CCAR2: variants seen among roughly 807,000 people sequenced by gnomAD.
CCAR2 encodes cell cycle and apoptosis regulator protein 2.
CCAR2 carries 21 observed loss-of-function variants against 108.1 expected under a neutral mutation model. The observed-to-expected ratio is 0.19, with a 90% confidence interval of 0.14 to 0.28. The LOEUF is 0.28. CCAR2 is among the 10% of genes least tolerant of loss of function. CCAR2 has a pLI of 1.00. For missense variants in CCAR2, 1,126 were observed against 1,177.0 expected, an observed-to-expected ratio of 0.96 and a Z score of 0.63; for synonymous variants, 577 against 472.8, an observed-to-expected ratio of 1.22 and a Z score of -2.86.
rs779988091 is a variant in CCAR2, at chr8:22,607,333, C to T, written c.487+8C>T. 5.6e-6 allele frequency: 9 copies of T among 1,609,444 alleles called. No homozygotes were observed. The highest frequency in any genetic ancestry group is 2.7e-5 in the African/African-American group (2 of 75,004). ...CACTCTTTCCTCAGAAGCGTGAGTA[C>T]GAGTGGCACTGTTGTTGGGTGTGGC... is the stretch of plus-strand genomic sequence containing the variant. On this transcript the variant is annotated splice_region_variant and intron_variant, in intron 6 of 20. Transcript: ENST00000308511.
Position 22,605,806 on chromosome 8 carries a change from G to T in CCAR2, c.33G>T (p.Pro11=). 6.2e-7 allele frequency: 1 copy of T among 1,613,988 alleles called. No homozygotes were observed. The highest frequency in any genetic ancestry group is 8.5e-7 in the Non-Finnish European group (1 of 1,179,940). Residue 11 remains proline (P), a synonymous_variant, in exon 2 of 21, where the codon CCG becomes CCT. Coordinates refer to ENST00000308511, the MANE Select transcript of CCAR2 (RefSeq NM_001393997.1). The stretch of plus-strand genomic sequence containing the variant: ...AGTTTAAGCGCCAGCGGATCAACCC[G>T]CTTCCAGGGGGACGCAACTTCTCAG... MSQFKRQRIN[P]LPGGRNFSGT...
At position 22,618,606 on chromosome 8, in the gene CCAR2, G is replaced by C; in HGVS notation, c.2221-11G>C. On this transcript the variant is annotated splice_polypyrimidine_tract_variant and intron_variant, in intron 17 of 20. Transcript: ENST00000308511. ...ACGGGGCCTTCTGATCAGCAGATGT[G>C]TTTTCTGCAGGCCAAGCAGCTGGTC... 1 of 1,614,086 alleles carries C rather than the reference G, an allele frequency of 6.2e-7. No individual in the cohort carries two copies. The highest frequency in any genetic ancestry group is 1.1e-5 in the South Asian group (1 of 91,086).
Position 22,617,510 on chromosome 8 carries a change from A to G in CCAR2, c.1936A>G (p.Met646Val), listed in dbSNP as rs202018056. ...RGEASEDLCE[M>V]ALDPELLLLR... ...CGAGGCTTCTGAGGACCTGTGTGAG[A>G]TGGCCCTGGACCCAGAACTGTTGCT... Residue 646 changes from methionine to valine, a missense_variant, in exon 15 of 21, where the codon ATG (methionine) becomes GTG (valine). Met to Val is a conservative substitution (Grantham distance 21). This residue lies in a region of CCAR2 where 1,013 missense variants were observed against 993.9 expected (regional missense o/e 1.02). Coordinates refer to ENST00000308511, the MANE Select transcript of CCAR2 (RefSeq NM_001393997.1). 2 of 1,607,354 alleles carry G rather than the reference A, an allele frequency of 1.2e-6. No homozygotes were observed. The highest frequency in any genetic ancestry group is 2.2e-5 in the East Asian group (1 of 44,770).
chr8:22,621,378 T>C (rs1476701888), downstream of CCAR2: 5 of 1,586,854 alleles, frequency 3.2e-6, no homozygotes, highest in African/African-American at 4.0e-5. Flanking sequence ...CAAGGATGAA[T>C]GAGGCTGACC....
Position 22,618,460 on chromosome 8 carries a change from C to A in CCAR2, c.2185C>A (p.Leu729Ile). The A allele has an allele frequency of 1.9e-6, 3 of 1,614,198 alleles. No homozygotes were observed. Among genetic ancestry groups the A allele is most frequent in the Middle Eastern group, 3.3e-4 (2 of 6,062 alleles). ...YLHRRDLERI[L>I]LTLGIRLSAE... is the part of the protein sequence containing the mutation. ...GCACCGGCGAGACTTAGAGAGGATC[C>A]TCCTTACCCTTGGGATCCGGCTCAG... Residue 729 changes from leucine (L) to isoleucine (I), a missense_variant, in exon 17 of 21, where the codon CTC becomes ATC. Coordinates refer to ENST00000308511, the MANE Select transcript of CCAR2 (RefSeq NM_001393997.1).
In CCAR2 at chr8:22,616,075, A is replaced by G; in HGVS notation, c.1672A>G (p.Lys558Glu). Residue 558 changes from lysine to glutamate, a missense_variant, in exon 14 of 21, where the codon AAG (lysine) becomes GAG (glutamate). Around this residue, in one of 4 missense-constraint regions of CCAR2, gnomAD observed 1,013 missense variants for 993.9 expected, o/e 1.02. Transcript: ENST00000308511. ...LQRDFGYRVY[K>E]MLLSLPEKVV... ...GAGGGATTTTGGCTATAGAGTTTAT[A>G]AGATGCTACTGAGCCTTCCTGAAAA... 3 of 1,614,036 alleles carry G rather than the reference A, an allele frequency of 1.9e-6. No individual in the cohort carries two copies. Among genetic ancestry groups the G allele is most frequent in the Non-Finnish European group, 2.5e-6 (3 of 1,180,026 alleles).
chr8:22,615,282 A>G, intron 11 of CCAR2, 143 bp from the exon 12 acceptor site: 1 of 1,088,414 alleles, frequency 9.2e-7, no homozygotes. Context: ...CTTGGTCTGT[A>G]GCTTTCCTGT....
At chr8:22,606,546 C>A in intron 3 of CCAR2, 61 bp from the exon 4 acceptor site, 2 of 1,344,678 alleles carry the variant, frequency 1.5e-6, no homozygotes, top group Non-Finnish European at 1.1e-6. Context: ...ACCTTCATGG[C>A]AGAGTGTGAT....
rs1396651322 is a variant in CCAR2, at chr8:22,605,046, C to T, written c.-39+204C>T. The T allele has an allele frequency of 4.1e-5, 12 of 290,938 alleles. 1 individual carries two copies. Among genetic ancestry groups the T allele is most frequent in the Non-Finnish European group, 2.0e-5 (3 of 148,326 alleles). The allele number at this position is 290,938 out of a possible 1,614,324, so 18.0% of individuals were successfully genotyped here. A position where few individuals can be genotyped will look rare whatever the true frequency, so the allele number is the denominator to read the frequency against. On this transcript the variant is annotated intron_variant, in intron 1 of 20. Coordinates refer to ENST00000308511, the MANE Select transcript of CCAR2 (RefSeq NM_001393997.1). Reference sequence around the variant, plus strand: ...GGAGGAGAAACCGCGCGCCTCAGTCCTCCCTTGGTGGCCTCGCCGCGGCTC... The same window carrying T: ...GGAGGAGAAACCGCGCGCCTCAGTCTTCCCTTGGTGGCCTCGCCGCGGCTC...
chr8:22,613,662 A>G (rs773122714), intron 8 of CCAR2, among the ~76,000 whole-genome samples: 1 of 152,072 alleles, frequency 6.6e-6, no homozygotes, highest in African/African-American at 2.4e-5. Flanking sequence ...CGACTTTTTC[A>G]TCTTTGTCTG....
At chr8:22,608,924 T>C (rs74844486) in intron 7 of CCAR2, among the ~76,000 whole-genome samples, 1 of 152,222 alleles carries the variant, frequency 6.6e-6, no homozygotes, top group Non-Finnish European at 1.5e-5. Flanking sequence ...CCTCCATCTA[T>C]TCACTGCTCC....
At chr8:22,611,607 T>TA (rs1801286421) in intron 7 of CCAR2, among the ~76,000 whole-genome samples, 2 of 152,174 alleles carry the variant, frequency 1.3e-5, no homozygotes, top group Non-Finnish European at 2.9e-5. Context: ...TTCTAGTTTT[T>TA]ATCTATACAT....
intron 14 of CCAR2, chr8:22,616,566 C>G (rs989978834): frequency 5.2e-5 from 19 of 366,382 alleles, no homozygotes; most frequent in African/African-American, 2.0e-4. Flanking sequence ...CCCTGTAATC[C>G]CAGCACTTTG....
At chr8:22,612,757 AGTT>A (rs1239698218) in intron 7 of CCAR2, 1 of 292,934 alleles carries the variant, frequency 3.4e-6, no homozygotes, top group Non-Finnish European at 6.2e-6. Flanking sequence ...AGTCTTCTAA[AGTT>A]GTTTTTGCAG....
intron 7 of CCAR2, among the ~76,000 whole-genome samples, chr8:22,609,661 CAG>C (rs1801205879): frequency 6.6e-6 from 1 of 152,222 alleles, no homozygotes. Context: ...CTCCCTTTCA[CAG>C]TGTGTGAGTT....
At chr8:22,606,508 G>A (rs894346193) in intron 3 of CCAR2, 99 bp from the exon 4 acceptor site, 21 of 909,780 alleles carry the variant, frequency 2.3e-5, no homozygotes, top group African/African-American at 1.1e-4. Context: ...GATGCAGTAC[G>A]CTGAGCTGGG....
chr8:22,621,338 T>G, downstream of CCAR2: 14 of 1,499,620 alleles, frequency 9.3e-6, no homozygotes, highest in Non-Finnish European at 1.3e-5. Context: ...GTCCCCAGCC[T>G]GTGAGAGGAG....
At chr8:22,606,415 G>A (rs2117410664) in intron 3 of CCAR2, among the ~76,000 whole-genome samples, 192 bp from the exon 4 acceptor site, 1 of 152,232 alleles carries the variant, frequency 6.6e-6, no homozygotes, top group Middle Eastern at 3.4e-3. Flanking sequence ...AAGCTTGTGG[G>A]TCAAGAACCA....
In CCAR2 at chr8:22,618,492, G is replaced by C; in HGVS notation, c.2217G>C (p.Glu739Asp). ...LLTLGIRLSA[E>D]QAKQLVSRVV... is the part of the protein sequence containing the mutation. ...CCCTTGGGATCCGGCTCAGTGCAGA[G>C]CAGGTACCTTCTTTCCTCTGCCCCA... Residue 739 changes from glutamate (E) to aspartate (D), a missense_variant, in exon 17 of 21, where the codon GAG becomes GAC. Transcript: ENST00000308511. The C allele has an allele frequency of 6.2e-7, 1 of 1,614,234 alleles. No homozygotes were observed. The highest frequency in any genetic ancestry group is 8.5e-7 in the Non-Finnish European group (1 of 1,180,056).
Sources: allele counts gnomAD v4.1 joint callset (sites outside exome capture counted in the v4.1 genomes callset), GRCh38; gene constraint gnomAD v4.1.1; regional missense constraint gnomAD v4.1.1; transcripts MANE v1.5; gene names NCBI Gene and HGNC (gene_info 2026-07-23, HGNC 2026-07-21).